The following LZTR1 variants were observed in gnomAD, a reference collection of about 807,000 sequenced individuals.
LZTR1 encodes leucine zipper like post translational regulator 1, also known as leucine-zipper-like transcriptional regulator 1.
LZTR1 carries 260 observed loss-of-function variants against 105.7 expected under a neutral mutation model. The ratio of observed to expected loss-of-function variants is 2.46; its 90% CI spans 2.22 to 2.72. The LOEUF is 2.72. Among genes scored for constraint, LZTR1 ranks in the 30% most tolerant of loss-of-function variants. The probability of loss-of-function intolerance (pLI) is 0.00; values close to 1 mark genes in which losing one functional copy is unlikely to be tolerated. For missense variants in LZTR1, 1,214 were observed against 1,166.9 expected, an observed-to-expected ratio of 1.04 and a Z score of -0.59; for synonymous variants, 490 against 476.4, an observed-to-expected ratio of 1.03 and a Z score of -0.37.
chr22:20,997,074 G>C (rs1331750780), intron 20 of LZTR1, 108 bp downstream of exon 20: 3 of 1,265,964 alleles, frequency 2.4e-6, no homozygotes, highest in Middle Eastern at 1.8e-4. Flanking sequence ...TGGGCCCTGG[G>C]GGTGAGAGAA....
chr22:20,994,029 C>G lies in LZTR1; in HGVS notation c.1449+10C>G. ...GGAGAGGCTGGCCCAGGTGAGGTGCCTAACCGCCCTGCCCTGACCTGGCAG... is the reference window on the plus strand; with the variant it reads ...GGAGAGGCTGGCCCAGGTGAGGTGCGTAACCGCCCTGCCCTGACCTGGCAG... On this transcript the variant is annotated intron_variant, in intron 13 of 20. Coordinates refer to ENST00000646124, the MANE Select transcript of LZTR1 (RefSeq NM_006767.4). The G allele has an allele frequency of 6.2e-7, 1 of 1,600,512 alleles. No individual in the cohort carries two copies. The highest frequency in any genetic ancestry group is 1.3e-5 in the African/African-American group (1 of 75,002).
At chr22:20,994,294 G>C in intron 14 of LZTR1, 25 bp downstream of exon 14, 1 of 1,593,540 alleles carries the variant, frequency 6.3e-7, no homozygotes, top group Non-Finnish European at 8.5e-7. Flanking sequence ...GGGTGGAGCA[G>C]GGTTGGTGTG....
At chr22:20,996,408 C>T (rs1298839019) in intron 18 of LZTR1, 1 of 592,516 alleles carries the variant, frequency 1.7e-6, no homozygotes, top group Non-Finnish European at 3.0e-6. Context: ...GGAGGTACTC[C>T]TTATGTCACT....
intron 18 of LZTR1, chr22:20,996,389 C>T: frequency 1.7e-6 from 1 of 594,186 alleles, no homozygotes; most frequent in Admixed American, 3.0e-5. Context: ...GACAGTTGAG[C>T]ACAGACATGG....
intron 3 of LZTR1, chr22:20,986,717 A>T (rs1327955603): frequency 6.6e-6 from 1 of 152,158 alleles, no homozygotes; most frequent in Non-Finnish European, 1.5e-5. Context: ...AGATTAGATG[A>T]TTGATAGATG....
At position 20,985,836 on chromosome 22, in the gene LZTR1, T is replaced by A; in HGVS notation, c.264-5T>A. 6.2e-7 allele frequency: 1 copy of A among 1,614,084 alleles called. No homozygotes were observed. Among genetic ancestry groups the A allele is most frequent in the Non-Finnish European group, 8.5e-7 (1 of 1,179,980 alleles). On this transcript the variant is annotated splice_polypyrimidine_tract_variant and splice_region_variant and intron_variant, in intron 2 of 20. Coordinates refer to ENST00000646124, the MANE Select transcript of LZTR1 (RefSeq NM_006767.4). ...ATGCCACCCTCTCTTCCGGCTGCCT[T>A]TCAGGAAGACCATGCTCAATGACCT...
At position 20,996,955 on chromosome 22, in the gene LZTR1, C is replaced by T; in HGVS notation, c.2395C>T (p.Gln799Ter). 9 of 1,613,592 alleles carry T rather than the reference C, an allele frequency of 5.6e-6. No individual in the cohort carries two copies. The highest frequency in any genetic ancestry group is 2.2e-5 in the East Asian group (1 of 44,880). ...KRHCLHIIVH[Q>*]FTKVSKLPTL... ...GCACTGCCTGCACATCATTGTGCACCAGTTCACCAAGGTCAGGGCTCTGGC... is the reference window on the plus strand; with the variant it reads ...GCACTGCCTGCACATCATTGTGCACTAGTTCACCAAGGTCAGGGCTCTGGC... The change falls in exon 20 of 21, where the codon CAG becomes TAG. Residue 799 changes from glutamine (Q) to a stop codon, truncating the protein, a stop_gained. Coordinates refer to ENST00000646124, the MANE Select transcript of LZTR1 (RefSeq NM_006767.4). LOFTEE classifies it high-confidence loss of function.
Position 20,996,742 on chromosome 22 carries a change from C to T in LZTR1, c.2266C>T (p.Leu756=). The change falls in exon 19 of 21, where the codon CTG becomes TTG. Residue 756 remains leucine (L), a synonymous_variant. Transcript: ENST00000646124. ...PYYYGFYNNR[L]QAYCKQNLEM... ...CTACTACGGCTTCTACAACAACCGG[C>T]TGCAGGCGTACTGCAAGCAGAACCT... The T allele has an allele frequency of 6.2e-7, 1 of 1,613,574 alleles. No individual in the cohort carries two copies. The highest frequency in any genetic ancestry group is 8.5e-7 in the Non-Finnish European group (1 of 1,180,010).
At chr22:20,984,142 C>T (rs986674745) in intron 2 of LZTR1, among the ~76,000 whole-genome samples, 4 of 152,206 alleles carry the variant, frequency 2.6e-5, no homozygotes, top group African/African-American at 9.7e-5. Flanking sequence ...CCATCTGGAC[C>T]AACTGGAGAC....
chr22:20,988,632 G>C (rs1924488182), intron 5 of LZTR1, among the ~76,000 whole-genome samples, 157 bp from the exon 6 acceptor site: 1 of 152,178 alleles, frequency 6.6e-6, no homozygotes, highest in South Asian at 2.1e-4. Context: ...TGGGGCTGTT[G>C]TTTATTCCTA....
chr22:20,985,462 T>C (rs178285), intron 2 of LZTR1, among the ~76,000 whole-genome samples: 69,354 of 152,026 alleles, frequency 0.46, 16,373 homozygotes, highest in African/African-American at 0.56. Flanking sequence ...AGGGTACAGC[T>C]GCAGAGGAAG....
chr22:20,996,943 A>G lies in LZTR1; in HGVS notation c.2383A>G (p.Ile795Val). 6.2e-7 allele frequency: 1 copy of G among 1,613,722 alleles called. No homozygotes were observed. Among genetic ancestry groups the G allele is most frequent in the Non-Finnish European group, 8.5e-7 (1 of 1,179,966 alleles). The change falls in exon 20 of 21, where the codon ATC becomes GTC. Residue 795 changes from isoleucine (I) to valine (V), a missense_variant. Coordinates refer to ENST00000646124, the MANE Select transcript of LZTR1 (RefSeq NM_006767.4). ...ALDMKRHCLH[I>V]IVHQFTKVSK... Reference sequence around the variant, plus strand: ...GGACATGAAGCGGCACTGCCTGCACATCATTGTGCACCAGTTCACCAAGGT... The same window carrying G: ...GGACATGAAGCGGCACTGCCTGCACGTCATTGTGCACCAGTTCACCAAGGT...
At position 20,993,692 on chromosome 22, in the gene LZTR1, G is replaced by A. The variant is rs756500067; in HGVS notation, c.1291G>A (p.Glu431Lys). The A allele has an allele frequency of 6.2e-6, 10 of 1,613,454 alleles. No homozygotes were observed. The highest frequency in any genetic ancestry group is 1.1e-5 in the South Asian group (1 of 91,084). ...FSCYPKCTLH[E>K]DYGRLWESRQ... ...CTGTTACCCTAAATGCACGCTGCAC[G>A]AGGACTACGGGCGGCTGTGGGAGAG... Residue 431 changes from glutamate (E) to lysine (K), a missense_variant, in exon 12 of 21, where the codon GAG (glutamate) becomes AAG (lysine). Physicochemically the swap from Glu to Lys is moderately conservative, Grantham distance 56. Coordinates refer to ENST00000646124, the MANE Select transcript of LZTR1 (RefSeq NM_006767.4).
intron 5 of LZTR1, among the ~76,000 whole-genome samples, chr22:20,988,553 G>A (rs1352395352): frequency 6.6e-6 from 1 of 152,178 alleles, no homozygotes; most frequent in Non-Finnish European, 1.5e-5. Flanking sequence ...GATATTTTGG[G>A]GGCACCTAGG....
At position 20,994,609 on chromosome 22, in the gene LZTR1, G is replaced by A. The variant is rs1276419953; in HGVS notation, c.1667G>A (p.Ser556Asn). 3.1e-6 allele frequency: 5 copies of A among 1,612,638 alleles called. No homozygotes were observed. Among genetic ancestry groups the A allele is most frequent in the Non-Finnish European group, 4.2e-6 (5 of 1,179,960 alleles). ...LIMDVYKLAL[S>N]FQLCRLEQLC... ...ATGGATGTGTACAAACTGGCACTGAGCTTCCAGTTGTGCCGCCTGGAGCAG... is the reference window on the plus strand; with the variant it reads ...ATGGATGTGTACAAACTGGCACTGAACTTCCAGTTGTGCCGCCTGGAGCAG... The change falls in exon 15 of 21, where the codon AGC becomes AAC. Residue 556 changes from serine to asparagine, a missense_variant. Coordinates refer to ENST00000646124, the MANE Select transcript of LZTR1 (RefSeq NM_006767.4).
chr22:20,991,794 A>G lies in LZTR1; in HGVS notation c.958A>G (p.Thr320Ala), dbSNP rs1161999355. The part of the protein sequence containing the change: ...ELHCYDVDFQ[T>A]WEVVQPSSDS... ...GCACTGCTATGACGTGGACTTCCAG[A>G]CCTGGGAGGTCGTCCAGCCCAGCTC... Residue 320 changes from threonine (T) to alanine (A), a missense_variant, in exon 9 of 21, where the codon ACC becomes GCC. Physicochemically the swap from Thr to Ala is moderately conservative, Grantham distance 58. Transcript: ENST00000646124. The G allele has an allele frequency of 6.4e-7, 1 of 1,552,066 alleles. No individual in the cohort carries two copies. The highest frequency in any genetic ancestry group is 8.7e-7 in the Non-Finnish European group (1 of 1,147,618).
chr22:20,983,112 G>A (rs372406706), intron 2 of LZTR1, 23 bp downstream of exon 2: 4 of 1,607,716 alleles, frequency 2.5e-6, no homozygotes, highest in Non-Finnish European at 2.6e-6. Context: ...CAGCATCAGT[G>A]TTTGGACCAG....
chr22:20,990,924 CCTGCAATGG>C, intron 8 of LZTR1: 1 of 186,134 alleles, frequency 5.4e-6, no homozygotes, highest in Non-Finnish European at 1.1e-5. Context: ...GCCCTTGATC[CCTGCAATGG>C]GGCTGCAGGA....
Position 20,997,427 on chromosome 22 carries a change from C to CA in LZTR1, c.*80dup. 1 of 1,093,700 alleles carries CA rather than the reference C, an allele frequency of 9.1e-7. No individual in the cohort carries two copies. The highest frequency in any genetic ancestry group is 1.4e-6 in the Non-Finnish European group (1 of 715,756). The allele number at this position is 1,093,700 out of a possible 1,614,324, so 67.7% of individuals were successfully genotyped here. On this transcript the variant is annotated 3_prime_UTR_variant, in exon 21 of 21. Coordinates refer to ENST00000646124, the MANE Select transcript of LZTR1 (RefSeq NM_006767.4). The stretch of plus-strand genomic sequence containing the variant: ...TACTGAGAAGACTACCGGCTATGCG[C>CA]ATGCCTATGGCAGTGGGTGCACCTG...
Sources: allele counts gnomAD v4.1 joint callset (sites outside exome capture counted in the v4.1 genomes callset), GRCh38; gene constraint gnomAD v4.1.1; transcripts MANE v1.5; gene names NCBI Gene and HGNC (gene_info 2026-07-23, HGNC 2026-07-21).